The following FUT5 variants were observed in gnomAD, a reference collection of about 807,000 sequenced individuals.
The protein encoded by FUT5 is 4-galactosyl-N-acetylglucosaminide 3-alpha-L-fucosyltransferase FUT5.
FUT5 carries 1 observed loss-of-function variant against 0.8 expected under a neutral mutation model. The ratio of observed to expected loss-of-function variants is 1.26; its 90% CI spans 0.45 to 5.99. The LOEUF is 5.99. Among genes scored for constraint, FUT5 ranks in the 30% most tolerant of loss-of-function variants. The probability of loss-of-function intolerance (pLI) is 0.15; values close to 1 mark genes in which losing one functional copy is unlikely to be tolerated. For synonymous variants in FUT5, 212 were observed against 225.7 expected, an observed-to-expected ratio of 0.94 and a Z score of 0.54; for missense variants, 437 against 517.8, an observed-to-expected ratio of 0.84 and a Z score of 1.51.
rs1161059701 is a variant in FUT5, at chr19:5,867,036, G to C, written c.690C>G (p.Leu230=). 6.2e-7 allele frequency: 1 copy of C among 1,613,626 alleles called. No individual in the cohort carries two copies. Among genetic ancestry groups the C allele is most frequent in the South Asian group, 1.1e-5 (1 of 91,066 alleles). Residue 230 remains leucine (L), a synonymous_variant, in exon 2 of 2, where the codon CTC becomes CTG. Transcript: ENST00000588525. This position sits in a 1 kb window ranked among gnomAD's most constrained non-coding sequence, Gnocchi z 5.0. ...GGGAGCGTCCGTACACGTCCACCTT[G>C]AGATGAGCCTGCAGGCTCTGGTAGT... ...VRYYQSLQAH[L]KVDVYGRSHK... is the part of the protein sequence containing the mutation.
chr19:5,866,246 CAA>C lies in FUT5; in HGVS notation c.*353_*354del, dbSNP rs934649217. The C allele has an allele frequency of 1.6e-5, 7 of 424,486 alleles. No individual in the cohort carries two copies. Among genetic ancestry groups the C allele is most frequent in the African/African-American group, 1.0e-4 (5 of 49,666 alleles). The allele number at this position is 424,486 out of a possible 1,614,324, so 26.3% of individuals were successfully genotyped here. ...TCCTAGCAGGTGACATTCAGTGTGG[CAA>C]GGTCTCTGGGAGCAGGTCCCAGCAG... On this transcript the variant is annotated 3_prime_UTR_variant, in exon 2 of 2. Coordinates refer to ENST00000588525, the MANE Select transcript of FUT5 (RefSeq NM_002034.2). The surrounding 1 kb of genome is among the most constrained non-coding windows in gnomAD (Gnocchi z 4.9).
intron 1 of FUT5, among the ~76,000 whole-genome samples, chr19:5,869,752 C>T (rs556802024): frequency 4.6e-5 from 7 of 152,140 alleles, no homozygotes; most frequent in South Asian, 2.1e-4. Context: ...ATTGAAATAA[C>T]GCTTTGGATG....
intron 1 of FUT5, among the ~76,000 whole-genome samples, chr19:5,869,972 G>A (rs2057517522): frequency 6.8e-6 from 1 of 148,128 alleles, no homozygotes; most frequent in East Asian, 2.0e-4. Flanking sequence ...GGGAGGCTGA[G>A]GCAGAATTGC....
At chr19:5,870,084 A>AAG (rs1464606475) in intron 1 of FUT5, among the ~76,000 whole-genome samples, 2 of 150,686 alleles carry the variant, frequency 1.3e-5, no homozygotes, top group Admixed American at 1.3e-4. Flanking sequence ...AAAAAAAAAA[A>AAG]AAAGAAAAAG....
In FUT5 at chr19:5,866,470, T is replaced by A. The variant is rs1321651655; in HGVS notation, c.*131A>T. 2.1e-6 allele frequency: 3 copies of A among 1,417,340 alleles called. No homozygotes were observed. In the East Asian group the frequency reaches 6.9e-5, roughly 33 times the overall value. 87.8% of individuals were successfully genotyped at this position (1,417,340 alleles called of 1,614,324 possible). On this transcript the variant is annotated 3_prime_UTR_variant, in exon 2 of 2. Transcript: ENST00000588525. This position sits in a 1 kb window ranked among gnomAD's most constrained non-coding sequence, Gnocchi z 4.9. ...TCCAGCAGGTGAGGCCCCAGGCAGG[T>A]GAGACCCCAGGCAGCCGAGGCCCCA...
intron 1 of FUT5, among the ~76,000 whole-genome samples, chr19:5,868,522 A>G (rs1341688238): frequency 6.6e-6 from 1 of 152,088 alleles, no homozygotes; most frequent in African/African-American, 2.4e-5. Flanking sequence ...ACATCTAAAA[A>G]CTGAACAGCA....
chr19:5,867,533 G>A lies in FUT5; in HGVS notation c.193C>T (p.Gln65Ter). The A allele has an allele frequency of 1.2e-6, 2 of 1,613,368 alleles. No individual in the cohort carries two copies. The highest frequency in any genetic ancestry group is 1.3e-5 in the African/African-American group (1 of 75,050). ...TGGGCAGGGGTCGCCATGCTGTCCT[G>A]GCAGCGGGACCCATTGGGAGCCCCG... Reference protein sequence around the residue: ...VTGAPNGSRCQDSMATPAHPT... With the variant: ...VTGAPNGSRC The change falls in exon 2 of 2, where the codon CAG (glutamine) becomes TAG (stop). Residue 65 changes from glutamine (Q) to a stop codon, truncating the protein, a stop_gained. Transcript: ENST00000588525. LOFTEE classifies it low-confidence loss of function (END_TRUNC). The surrounding 1 kb of genome is among the most constrained non-coding windows in gnomAD (Gnocchi z 5.0).
intron 1 of FUT5, among the ~76,000 whole-genome samples, chr19:5,869,989 C>G (rs1432343202): frequency 1.4e-5 from 2 of 139,314 alleles, no homozygotes; most frequent in Admixed American, 8.3e-5. Context: ...TTGCTTGAAC[C>G]CGGGAGGCGG....
chr19:5,869,547 G>A (rs975144562), intron 1 of FUT5, among the ~76,000 whole-genome samples: 9 of 151,870 alleles, frequency 5.9e-5, no homozygotes, highest in African/African-American at 1.7e-4. Flanking sequence ...CACCACACCC[G>A]GCCTAAATAA....
chr19:5,868,317 G>A (rs2057512687), intron 1 of FUT5, among the ~76,000 whole-genome samples: 1 of 152,054 alleles, frequency 6.6e-6, no homozygotes, highest in Non-Finnish European at 1.5e-5. Context: ...CGCTTGTTCT[G>A]GAGACACCCA....
chr19:5,867,319 G>A lies in FUT5; in HGVS notation c.407C>T (p.Pro136Leu). 1 of 1,613,698 alleles carries A rather than the reference G, an allele frequency of 6.2e-7. No individual in the cohort carries two copies. The highest frequency in any genetic ancestry group is 8.5e-7 in the Non-Finnish European group (1 of 1,180,028). ...IMYNPSANLP[P>L]PTRPQGQRWI... ...GCGCTGCCCCTGCGGCCTGGTGGGG[G>A]GCGGGAGGTTGGCACTGGGGTTGTA... is the stretch of plus-strand genomic sequence containing the variant. Residue 136 changes from proline (P) to leucine (L), a missense_variant, in exon 2 of 2, where the codon CCC (proline) becomes CTC (leucine). Transcript: ENST00000588525. The surrounding 1 kb of genome is among the most constrained non-coding windows in gnomAD (Gnocchi z 5.0).
At position 5,867,602 on chromosome 19, in the gene FUT5, T is replaced by C; in HGVS notation, c.124A>G (p.Thr42Ala). ...ATAAGCCCTGGCCTAGGGGATCCAG[T>C]GGCATCGTCTCGGGACACACGCAGG... ...SYLRVSRDDA[T>A]GSPRPGLMAV... is the part of the protein sequence containing the mutation. Residue 42 changes from threonine (T) to alanine (A), a missense_variant, in exon 2 of 2, where the codon ACT becomes GCT. This residue lies in a region of FUT5 where 261 missense variants were observed against 242.6 expected (regional missense o/e 1.08). Transcript: ENST00000588525. The surrounding 1 kb of genome is among the most constrained non-coding windows in gnomAD (Gnocchi z 5.0). 6.2e-7 allele frequency: 1 copy of C among 1,613,566 alleles called. No homozygotes were observed. Among genetic ancestry groups the C allele is most frequent in the South Asian group, 1.1e-5 (1 of 91,078 alleles).
In FUT5 at chr19:5,867,852, A is replaced by G. The variant is rs1197543295; in HGVS notation, c.-12-115T>C. On this transcript the variant is annotated intron_variant, in intron 1 of 1. Coordinates refer to ENST00000588525, the MANE Select transcript of FUT5 (RefSeq NM_002034.2). This position sits in a 1 kb window ranked among gnomAD's most constrained non-coding sequence, Gnocchi z 5.0. ...GACACAGCTTGTCATAAATGCCCCC[A>G]GTACCCCTGAGTTGAGGATTGAATT... The G allele has an allele frequency of 3.2e-5, 34 of 1,073,820 alleles. No individual in the cohort carries two copies. The highest frequency in any genetic ancestry group is 4.3e-5 in the Non-Finnish European group (31 of 716,082). The allele number at this position is 1,073,820 out of a possible 1,614,324, so 66.5% of individuals were successfully genotyped here. A position where few individuals can be genotyped will look rare whatever the true frequency, so the allele number is the denominator to read the frequency against.
intron 1 of FUT5, among the ~76,000 whole-genome samples, chr19:5,869,862 G>A (rs2144922638): frequency 6.6e-6 from 1 of 152,116 alleles, no homozygotes; most frequent in South Asian, 2.1e-4. Context: ...CTGAGGTCAG[G>A]AGTTCGAGGC....
Position 5,867,672 on chromosome 19 carries a change from G to A in FUT5, c.54C>T (p.Ala18=), listed in dbSNP as rs372383689. 85 of 1,613,110 alleles carry A rather than the reference G, an allele frequency of 5.3e-5. 1 individual carries two copies. Among genetic ancestry groups the A allele is most frequent in the Non-Finnish European group, 6.3e-5 (74 of 1,180,032 alleles). Residue 18 remains alanine, a synonymous_variant, in exon 2 of 2, where the codon GCC becomes GCT. Transcript: ENST00000588525. The surrounding 1 kb of genome is among the most constrained non-coding windows in gnomAD (Gnocchi z 5.0). ...CCACCAGCAGCTGAAACAGCAGCCC[G>A]GCCAGACAGCGGCGCCACAGCCACT... is the stretch of plus-strand genomic sequence containing the variant. ...KPQWLWRRCL[A]GLLFQLLVAV...
At chr19:5,868,881 C>G (rs1299641283) in intron 1 of FUT5, among the ~76,000 whole-genome samples, 2 of 152,168 alleles carry the variant, frequency 1.3e-5, no homozygotes, top group African/African-American at 4.8e-5. Flanking sequence ...AGTGCAGTAG[C>G]ATGATCTCAG....
intron 1 of FUT5, 139 bp downstream of exon 1, chr19:5,870,326 G>A (rs909272864): frequency 1.3e-5 from 2 of 152,110 alleles, no homozygotes; most frequent in Admixed American, 1.3e-4. Flanking sequence ...CTCCTAGGTA[G>A]AAGCCCCAAA....
At position 5,867,133 on chromosome 19, in the gene FUT5, T is replaced by G; in HGVS notation, c.593A>C (p.Asn198Thr). The G allele has an allele frequency of 6.2e-7, 1 of 1,612,298 alleles. No individual in the cohort carries two copies. The highest frequency in any genetic ancestry group is 1.1e-5 in the South Asian group (1 of 91,032). ...CACCAGCTCGGTCTTGGCCGAGAGG[T>G]TGAGCGGTGGGTGGGCAGGCTGGCC... ...WSGQPAHPPL[N>T]LSAKTELVAW... The change falls in exon 2 of 2, where the codon AAC becomes ACC. Residue 198 changes from asparagine to threonine, a missense_variant. Asn to Thr is a moderately conservative substitution (Grantham distance 65). Transcript: ENST00000588525. The surrounding 1 kb of genome is among the most constrained non-coding windows in gnomAD (Gnocchi z 5.0).
intron 1 of FUT5, among the ~76,000 whole-genome samples, chr19:5,868,781 C>T (rs1196449188): frequency 8.5e-5 from 13 of 152,224 alleles, no homozygotes; most frequent in African/African-American, 2.4e-4. Context: ...CACCACTGAA[C>T]GCCAGCCTGG....
Sources: allele counts gnomAD v4.1 joint callset (sites outside exome capture counted in the v4.1 genomes callset), GRCh38; gene constraint gnomAD v4.1.1; regional missense constraint gnomAD v4.1.1; non-coding constraint Gnocchi (gnomAD v3.1); transcripts MANE v1.5; gene names NCBI Gene and HGNC (gene_info 2026-07-23, HGNC 2026-07-21).